Variants in IL7 observed in about 807,000 individuals in gnomAD.
IL7 encodes interleukin-7.
Under a neutral mutation model 21.6 loss-of-function variants are expected in IL7, and 3 were observed. That is an observed-to-expected ratio of 0.14 (90% CI 0.06 to 0.36). The LOEUF is 0.36. Among genes scored for constraint, IL7 ranks in the 10% least tolerant of loss-of-function variants. The probability of loss-of-function intolerance (pLI) is 1.00; values close to 1 mark genes in which losing one functional copy is unlikely to be tolerated. For synonymous variants in IL7, 62 were observed against 68.1 expected (o/e 0.91, Z 0.44); for missense variants, 175 against 200.2 (o/e 0.87, Z 0.76).
At chr8:78,735,021 A>G (rs1811522731) in intron 5 of IL7, among the ~76,000 whole-genome samples, 1 of 152,222 alleles carries the variant, frequency 6.6e-6, no homozygotes, top group African/African-American at 2.4e-5. Flanking sequence ...TTTAAAGAAT[A>G]CATTTCAAAG....
intron 1 of IL7, among the ~76,000 whole-genome samples, chr8:78,800,544 C>T (rs1391964031): frequency 1.3e-5 from 2 of 152,188 alleles, no homozygotes; most frequent in Non-Finnish European, 2.9e-5. Context: ...AAGCAATCTT[C>T]CTGCCTCAGC....
intron 6 of IL7, chr8:78,718,103 A>G (rs1254635149): frequency 6.6e-6 from 1 of 152,070 alleles, no homozygotes; most frequent in African/African-American, 2.4e-5. Flanking sequence ...TTGTTTTGTA[A>G]AAGTGTAATT....
At chr8:78,692,540 CA>C (rs1273879117) in intron 3 of IL7, among the ~76,000 whole-genome samples, 3 of 152,054 alleles carry the variant, frequency 2.0e-5, no homozygotes, top group African/African-American at 7.2e-5. Flanking sequence ...TGTTCTTTTG[CA>C]AAGTGTTTTT....
chr8:78,687,016 A>T (rs1222237070), intron 3 of IL7, among the ~76,000 whole-genome samples: 1 of 152,066 alleles, frequency 6.6e-6, no homozygotes, highest in African/African-American at 2.4e-5. Flanking sequence ...AAAAATCATA[A>T]TTTTCCTAAA....
downstream of IL7, chr8:78,715,175 T>C (rs1811060292): frequency 6.5e-7 from 1 of 1,535,262 alleles, no homozygotes; most frequent in African/African-American, 1.4e-5. Context: ...GAGAAATACA[T>C]GCTCACTGTT....
At chr8:78,754,620 C>T (rs1812287872) in intron 2 of IL7, among the ~76,000 whole-genome samples, 1 of 152,204 alleles carries the variant, frequency 6.6e-6, no homozygotes, top group East Asian at 1.9e-4. Flanking sequence ...GGAGGCGTCA[C>T]GCTACCTGAC....
Position 78,687,492 on chromosome 8 carries a change from GTTTATATAATAAATTATATATA to G in IL7, n.215-1567_215-1546del, listed in dbSNP as rs1335798203. ...TATATATTTATATATAATTATATATGTTTATATAATAAATTATATATATTTATATAATAAATTATATATTTAT... is the reference window on the plus strand; with the variant it reads ...TATATATTTATATATAATTATATATGTTTATATAATAAATTATATATTTAT... On this transcript the variant is annotated intron_variant and non_coding_transcript_variant, in intron 3 of 4. Coordinates refer to the IL7 transcript ENST00000523959. 5.7e-3 allele frequency among the ~76,000 whole-genome samples: 805 copies of G among 140,696 alleles called. 6 individuals are homozygous for G. Among genetic ancestry groups the G allele is most frequent in the African/African-American group, 0.019 (753 of 38,668 alleles). 92.3% of individuals were successfully genotyped at this position (140,696 alleles called of 152,430 possible). A position where few individuals can be genotyped will look rare whatever the true frequency, so the allele number is the denominator to read the frequency against.
intron 2 of IL7, among the ~76,000 whole-genome samples, chr8:78,741,087 G>A (rs530068196): frequency 1.8e-4 from 28 of 152,160 alleles, no homozygotes; most frequent in Non-Finnish European, 3.2e-4. Context: ...AGGATAAGAA[G>A]TGGAGCAATG....
intron 2 of IL7, among the ~76,000 whole-genome samples, chr8:78,756,498 G>A (rs1465405610): frequency 1.3e-5 from 2 of 151,786 alleles, no homozygotes; most frequent in African/African-American, 2.4e-5. Flanking sequence ...CTTGTTACTC[G>A]TTATTGGTCT....
At chr8:78,771,766 A>T (rs779702783) in intron 2 of IL7, among the ~76,000 whole-genome samples, 5 of 152,088 alleles carry the variant, frequency 3.3e-5, no homozygotes, top group African/African-American at 4.8e-5. Flanking sequence ...TTCAGCCTGG[A>T]GGATTCAAAA....
downstream of IL7, among the ~76,000 whole-genome samples, chr8:78,716,794 C>T (rs1250165546): frequency 6.6e-6 from 1 of 152,064 alleles, no homozygotes; most frequent in Non-Finnish European, 1.5e-5. Context: ...TGGTGATAGG[C>T]GATTGGATCA....
At chr8:78,723,040 G>C (rs1421280203) in intron 3 of IL7, among the ~76,000 whole-genome samples, 1 of 148,646 alleles carries the variant, frequency 6.7e-6, no homozygotes, top group East Asian at 2.0e-4. Flanking sequence ...ATTCTTTCTA[G>C]ATAGTCTTTC....
chr8:78,703,004 C>T (rs182178563), intron 3 of IL7, among the ~76,000 whole-genome samples: 109 of 152,238 alleles, frequency 7.2e-4, no homozygotes, highest in Middle Eastern at 3.4e-3. Flanking sequence ...TCAAGCGATT[C>T]TCCTGCCTCA....
intron 4 of IL7, 78 bp downstream of exon 4, chr8:78,738,426 G>T: frequency 8.7e-7 from 1 of 1,149,422 alleles, no homozygotes; most frequent in Non-Finnish European, 1.2e-6. Context: ...GATAATGGAT[G>T]TGATCATCAG....
chr8:78,717,799 G>A (rs1228052259), downstream of IL7: 8 of 187,482 alleles, frequency 4.3e-5, no homozygotes, highest in Non-Finnish European at 7.8e-5. Flanking sequence ...GTTAAAGCAC[G>A]TTAAGTACAT....
At chr8:78,715,261 G>A, downstream of IL7, 1 of 1,613,630 alleles carries the variant, frequency 6.2e-7, no homozygotes, top group Non-Finnish European at 8.5e-7. Context: ...ACCTAGTTTG[G>A]CAAGAAATCC....
At chr8:78,760,608 G>T (rs1470113128) in intron 2 of IL7, 1 of 1,566,290 alleles carries the variant, frequency 6.4e-7, no homozygotes, top group Non-Finnish European at 8.7e-7. Context: ...GAGGGTACCA[G>T]AGATAAGCAT....
chr8:78,797,702 A>G (rs1813907623), intron 2 of IL7: 1 of 161,500 alleles, frequency 6.2e-6, no homozygotes, highest in South Asian at 1.9e-4. Context: ...TATTCACCAT[A>G]AGTCTTAACT....
downstream of IL7, among the ~76,000 whole-genome samples, chr8:78,716,313 C>T (rs1350351930): frequency 3.3e-5 from 5 of 151,270 alleles, no homozygotes; most frequent in Admixed American, 6.6e-5. Flanking sequence ...TTATTAGAGA[C>T]GGGGTTTCAC....
Sources: allele counts gnomAD v4.1 joint callset (sites outside exome capture counted in the v4.1 genomes callset), GRCh38; gene constraint gnomAD v4.1.1; transcripts MANE v1.5; gene names NCBI Gene and HGNC (gene_info 2026-07-23, HGNC 2026-07-21).